Variants in PXN observed in about 807,000 individuals in gnomAD.
The protein encoded by PXN is testicular tissue protein Li 134.
In PXN, 61 loss-of-function variants were observed where a neutral mutation model predicts 103.6. That is an observed-to-expected ratio of 0.59 (90% CI 0.48 to 0.73). The LOEUF (loss-of-function observed/expected upper bound fraction) is 0.73. PXN is among the 30% of genes least tolerant of loss of function. PXN has a pLI of 0.00. For synonymous variants in PXN, 562 were observed against 607.8 expected (o/e 0.92, Z 1.11); for missense variants, 1,274 against 1,460.3 (o/e 0.87, Z 2.08).
At chr12:120,255,520 C>A (rs1330441199) in intron 1 of PXN, among the ~76,000 whole-genome samples, 2 of 151,270 alleles carry the variant, frequency 1.3e-5, no homozygotes, top group African/African-American at 4.9e-5. Context: ...ATGGTGAAAC[C>A]CCATCTCTAC....
chr12:120,229,687 C>T lies in PXN; in HGVS notation c.14-5310G>A, dbSNP rs1332517529. Among the ~76,000 whole-genome samples the T allele has an allele frequency of 6.6e-6, 1 of 152,162 alleles. No homozygotes were observed. Among genetic ancestry groups the T allele is most frequent in the East Asian group, 1.9e-4 (1 of 5,194 alleles). ...TACAGCACACAGGAAATGGGAGTTGCTAAATAGATTACAAGCTTCTTCCCA... is the reference window on the plus strand; with the variant it reads ...TACAGCACACAGGAAATGGGAGTTGTTAAATAGATTACAAGCTTCTTCCCA... On this transcript the variant is annotated intron_variant, in intron 1 of 14. Transcript: ENST00000637617. This position sits in a 1 kb window ranked among gnomAD's most constrained non-coding sequence, Gnocchi z 4.0.
chr12:120,236,451 GT>G (rs1301562992), intron 1 of PXN, among the ~76,000 whole-genome samples: 4 of 151,688 alleles, frequency 2.6e-5, no homozygotes, highest in South Asian at 2.1e-4. Flanking sequence ...GGAACTATAG[GT>G]GTGTGCCACC....
chr12:120,219,132 T>C lies in PXN; in HGVS notation c.1716+75A>G. On this transcript the variant is annotated intron_variant, in intron 7 of 14. Coordinates refer to ENST00000637617, the MANE Select transcript of PXN (RefSeq NM_001385981.1). This position sits in a 1 kb window ranked among gnomAD's most constrained non-coding sequence, Gnocchi z 6.5. ...GACATGCGCAGAGTGGGAGGCTGCA[T>C]GCAGTTAGCGAGGAGCGGCCCACAC... The C allele has an allele frequency of 7.3e-7, 1 of 1,372,976 alleles. No individual in the cohort carries two copies. The highest frequency in any genetic ancestry group is 9.6e-7 in the Non-Finnish European group (1 of 1,037,046). 85.0% of individuals were successfully genotyped at this position (1,372,976 alleles called of 1,614,324 possible). A position where few individuals can be genotyped will look rare whatever the true frequency, so the allele number is the denominator to read the frequency against.
Position 120,219,166 on chromosome 12 carries a change from G to A in PXN, c.1716+41C>T, listed in dbSNP as rs764548548. The A allele has an allele frequency of 7.9e-5, 119 of 1,498,640 alleles. 1 individual carries two copies. Among genetic ancestry groups the A allele is most frequent in the Non-Finnish European group, 9.2e-5 (104 of 1,126,096 alleles). 92.8% of individuals were successfully genotyped at this position (1,498,640 alleles called of 1,614,324 possible). On this transcript the variant is annotated intron_variant, in intron 7 of 14. Transcript: ENST00000637617. The surrounding 1 kb of genome is among the most constrained non-coding windows in gnomAD (Gnocchi z 6.5). ...CGAGGAGCGGCCCACACTCAGACCC[G>A]CCAATGGCCATGCCCAGCAGCCATG...
rs751358222 is a variant in PXN at position 120,224,330 on chromosome 12, G to T, written c.61C>A (p.Arg21=). 2 of 1,613,990 alleles carry T rather than the reference G, an allele frequency of 1.2e-6. No individual in the cohort carries two copies. The highest frequency in any genetic ancestry group is 1.7e-6 in the Non-Finnish European group (2 of 1,179,888). ...GTCTCCTCCGACAAGAACACAGGCC[G>T]TTTGGAGATGTGGGAGGTGGTAGAC... The part of the protein sequence containing the change: ...LESTTSHISK[R]PVFLSEETPY... Residue 21 remains arginine (R), a synonymous_variant, in exon 2 of 15, where the codon CGG becomes AGG. Coordinates refer to ENST00000637617, the MANE Select transcript of PXN (RefSeq NM_001385981.1). This position sits in a 1 kb window ranked among gnomAD's most constrained non-coding sequence, Gnocchi z 5.0.
chr12:120,261,283 C>T (rs762672072), intron 1 of PXN, among the ~76,000 whole-genome samples: 25 of 152,268 alleles, frequency 1.6e-4, no homozygotes, highest in Non-Finnish European at 2.8e-4. Flanking sequence ...CTCTGCCTCC[C>T]GGGTTCAAGC....
intron 1 of PXN, among the ~76,000 whole-genome samples, chr12:120,245,008 G>A (rs1205565279): frequency 1.3e-5 from 2 of 151,984 alleles, no homozygotes; most frequent in Non-Finnish European, 2.9e-5. Flanking sequence ...GGTGGGCTCA[G>A]GGCATAGGAA....
In PXN at chr12:120,223,002, T is replaced by A. The variant is rs376253235; in HGVS notation, c.357-3A>T. ...CTGATTTCTGCTTGTTGGGGAAGCTTTGAGAGGCAAAGGAAAGAAGATAGT... is the reference window on the plus strand; with the variant it reads ...CTGATTTCTGCTTGTTGGGGAAGCTATGAGAGGCAAAGGAAAGAAGATAGT... On this transcript the variant is annotated splice_polypyrimidine_tract_variant and splice_region_variant and intron_variant, in intron 3 of 14. Coordinates refer to ENST00000637617, the MANE Select transcript of PXN (RefSeq NM_001385981.1). The A allele has an allele frequency of 5.0e-5, 81 of 1,613,710 alleles. No individual in the cohort carries two copies. Among genetic ancestry groups the A allele is most frequent in the Non-Finnish European group, 6.1e-5 (72 of 1,179,880 alleles).
rs774068015 is a variant in PXN at position 120,219,240 on chromosome 12, G to A, written c.1683C>T (p.Pro561=). ...AGGTGGAAATCCTCTCCGTGGTGCT[G>A]GGTGTGCCCATGGCCATGGCACATG... ...ELPCAMAMGT[P]STTERISTSG... The change falls in exon 7 of 15, where the codon CCC becomes CCT. Residue 561 remains proline, a synonymous_variant. Transcript: ENST00000637617. This position sits in a 1 kb window ranked among gnomAD's most constrained non-coding sequence, Gnocchi z 6.5. 1 of 1,594,116 alleles carries A rather than the reference G, an allele frequency of 6.3e-7. No homozygotes were observed. The highest frequency in any genetic ancestry group is 8.5e-7 in the Non-Finnish European group (1 of 1,176,804).
At chr12:120,236,026 C>T (rs1888971978) in intron 1 of PXN, among the ~76,000 whole-genome samples, 1 of 152,242 alleles carries the variant, frequency 6.6e-6, no homozygotes, top group African/African-American at 2.4e-5. Flanking sequence ...TTCCAACCCA[C>T]AGTCAGCATA....
intron 1 of PXN, among the ~76,000 whole-genome samples, chr12:120,248,280 G>A (rs1891515011): frequency 6.6e-6 from 1 of 151,938 alleles, no homozygotes; most frequent in South Asian, 2.1e-4. Context: ...AGCAGGAAAT[G>A]CTCCCTCCTC....
intron 1 of PXN, among the ~76,000 whole-genome samples, chr12:120,240,435 A>G (rs1445764324): frequency 1.3e-5 from 2 of 151,986 alleles, no homozygotes; most frequent in Non-Finnish European, 2.9e-5. Flanking sequence ...CTCCAGAGTC[A>G]CCTGTTAAGA....
chr12:120,220,094 G>A lies in PXN; in HGVS notation c.832-3C>T. On this transcript the variant is annotated splice_region_variant and splice_polypyrimidine_tract_variant and intron_variant, in intron 6 of 14. Transcript: ENST00000637617. This position sits in a 1 kb window ranked among gnomAD's most constrained non-coding sequence, Gnocchi z 6.1. ...AGAGCCACAGTGGAGGAGCTGGTCT[G>A]GAGAAGAGAGAAATGCAGAGGGGAG... The A allele has an allele frequency of 9.0e-7, 1 of 1,109,268 alleles. No homozygotes were observed. Among genetic ancestry groups the A allele is most frequent in the Non-Finnish European group, 1.3e-6 (1 of 787,132 alleles). The allele number at this position is 1,109,268 out of a possible 1,614,324, so 68.7% of individuals were successfully genotyped here.
At chr12:120,245,363 A>C (rs1167523537) in intron 1 of PXN, among the ~76,000 whole-genome samples, 3 of 152,016 alleles carry the variant, frequency 2.0e-5, no homozygotes, top group African/African-American at 7.3e-5. Flanking sequence ...GAGGGAGTTC[A>C]CAGGCAGGGA....
Position 120,265,092 on chromosome 12 carries a change from G to C in PXN, c.13+525C>G, listed in dbSNP as rs1435161168. Among the ~76,000 whole-genome samples the C allele has an allele frequency of 1.3e-5, 2 of 152,084 alleles. No homozygotes were observed. Among genetic ancestry groups the C allele is most frequent in the Non-Finnish European group, 2.9e-5 (2 of 68,006 alleles). On this transcript the variant is annotated intron_variant, in intron 1 of 14. Coordinates refer to ENST00000637617, the MANE Select transcript of PXN (RefSeq NM_001385981.1). The surrounding 1 kb of genome is among the most constrained non-coding windows in gnomAD (Gnocchi z 5.7). Reference sequence around the variant, plus strand: ...GGGCTCCGAGGGGTTATCCCTGAAGGGGGGTGCTAGTCTGTGAAGTGGGGG... The same window carrying C: ...GGGCTCCGAGGGGTTATCCCTGAAGCGGGGTGCTAGTCTGTGAAGTGGGGG...
At chr12:120,240,464 A>G (rs1022142315) in intron 1 of PXN, among the ~76,000 whole-genome samples, 3 of 152,216 alleles carry the variant, frequency 2.0e-5, no homozygotes, top group Non-Finnish European at 4.4e-5. Flanking sequence ...CCAGACCATC[A>G]GACTGTAAAC....
At chr12:120,237,804 G>A (rs1045579370) in intron 1 of PXN, among the ~76,000 whole-genome samples, 5 of 152,190 alleles carry the variant, frequency 3.3e-5, no homozygotes, top group Non-Finnish European at 1.5e-5. Flanking sequence ...CGTCCCCACA[G>A]AGAGTTGGCA....
intron 1 of PXN, chr12:120,227,000 T>C (rs1242189323): frequency 1.0e-6 from 1 of 986,852 alleles, no homozygotes. Context: ...CTCTGTAAAA[T>C]CCAGAATAAG....
intron 1 of PXN, among the ~76,000 whole-genome samples, chr12:120,262,052 C>G (rs1285280527): frequency 6.6e-6 from 1 of 152,200 alleles, no homozygotes; most frequent in Non-Finnish European, 1.5e-5. Flanking sequence ...GGTGCCCTGA[C>G]TCTGCCCTAA....
Sources: allele counts gnomAD v4.1 joint callset (sites outside exome capture counted in the v4.1 genomes callset), GRCh38; gene constraint gnomAD v4.1.1; non-coding constraint Gnocchi (gnomAD v3.1); transcripts MANE v1.5; gene names NCBI Gene and HGNC (gene_info 2026-07-23, HGNC 2026-07-21).